TESC: variants seen among roughly 807,000 people sequenced by gnomAD.
TESC encodes the protein tescalcin, also known as calcineurin B homologous protein 3.
A neutral mutation model predicts 31.0 loss-of-function variants in TESC; 19 were observed. The observed-to-expected ratio is 0.61, with a 90% CI of 0.43 to 0.90. The LOEUF is 0.90. Among genes scored for constraint, TESC ranks in the 40% least tolerant of loss-of-function variants. The pLI is 0.00. For missense variants in TESC, 248 were observed against 303.8 expected (o/e 0.82, Z 1.36); for synonymous variants, 109 against 114.8 (o/e 0.95, Z 0.32).
At chr12:117,072,163 C>T (rs555099373) in intron 2 of TESC, among the ~76,000 whole-genome samples, 123 of 152,308 alleles carry the variant, frequency 8.1e-4, no homozygotes, top group Admixed American at 3.9e-3. Flanking sequence ...CCTGGGCCCC[C>T]ACCACACTCA....
chr12:117,089,622 T>C (rs747591552), intron 1 of TESC, among the ~76,000 whole-genome samples: 1 of 152,160 alleles, frequency 6.6e-6, no homozygotes, highest in Non-Finnish European at 1.5e-5. Context: ...TGCAATTTTT[T>C]GAAATTTAAT....
rs75883707 is a variant in TESC at position 117,048,230 on chromosome 12, T to A, written c.349+789A>T. Among the ~76,000 whole-genome samples the A allele has an allele frequency of 7.3e-3, 1,116 of 152,322 alleles. 9 individuals carry two copies. The highest frequency in any genetic ancestry group is 0.024 in the African/African-American group (991 of 41,568). ...CACTAAGGGACAGGAAACCAGGGAT[T>A]TGGACCTGAGTCCGTCCTGTTCCAC... On this transcript the variant is annotated intron_variant, in intron 4 of 7. Coordinates refer to ENST00000335209, the MANE Select transcript of TESC (RefSeq NM_017899.4).
intron 6 of TESC, 45 bp downstream of exon 6, chr12:117,046,514 C>A (rs1029181777): frequency 1.3e-6 from 2 of 1,510,104 alleles, no homozygotes; most frequent in South Asian, 1.2e-5. Flanking sequence ...AGACCATAAG[C>A]GGGAAAGGCA....
chr12:117,075,903 ATATATATATATGTG>A lies in TESC; in HGVS notation c.59-577_59-564del, dbSNP rs1955059925. On this transcript the variant is annotated intron_variant, in intron 1 of 7. Transcript: ENST00000335209. ...TATATATATATATATATATATATAT[ATATATATATATGTG>A]TGTGTGTATATATATATATATATGT... 7.3e-5 allele frequency among the ~76,000 whole-genome samples: 6 copies of A among 82,758 alleles called. No individual in the cohort carries two copies. The South Asian group carries it at 2.1e-3, about 28-fold the overall frequency. 54.3% of individuals were successfully genotyped at this position (82,758 alleles called of 152,430 possible).
rs2135767930 is a variant in TESC, at chr12:117,061,909, G to A, written c.129-5023C>T. 1.3e-5 allele frequency among the ~76,000 whole-genome samples: 2 copies of A among 152,296 alleles called. 1 individual carries two copies. The highest frequency in any genetic ancestry group is 1.3e-4 in the Admixed American group (2 of 15,290). On this transcript the variant is annotated intron_variant, in intron 2 of 7. Transcript: ENST00000335209. ...GTCTTCAAGCCGTGATTTCTCATATGTAAAATGGGGATCATAGGAATATCC... is the reference window on the plus strand; with the variant it reads ...GTCTTCAAGCCGTGATTTCTCATATATAAAATGGGGATCATAGGAATATCC...
chr12:117,092,764 C>T (rs1480243537), intron 1 of TESC, among the ~76,000 whole-genome samples: 1 of 152,210 alleles, frequency 6.6e-6, no homozygotes, highest in East Asian at 1.9e-4. Flanking sequence ...CCACTATGCT[C>T]CAGCCTGGGC....
Position 117,044,714 on chromosome 12 carries a change from T to C in TESC, c.519+1845A>G, listed in dbSNP as rs555058713. Among the ~76,000 whole-genome samples, 332 of 152,310 alleles carry C rather than the reference T, an allele frequency of 2.2e-3. 3 individuals are homozygous for C. The highest frequency in any genetic ancestry group is 7.6e-3 in the African/African-American group (315 of 41,566). On this transcript the variant is annotated intron_variant, in intron 6 of 7. Transcript: ENST00000335209. ...GGAGTTCGAGACCAGCTGGCCAGCA[T>C]GGTGAAACCCCGTCTCTGCTAAAAA...
chr12:117,057,089 G>A (rs1954736951), intron 2 of TESC, among the ~76,000 whole-genome samples: 1 of 152,124 alleles, frequency 6.6e-6, no homozygotes, highest in African/African-American at 2.4e-5. Context: ...GGGCAGGGAG[G>A]ATTTGGAGGC....
chr12:117,048,859 T>C, intron 4 of TESC, 160 bp downstream of exon 4: 1 of 1,145,630 alleles, frequency 8.7e-7, no homozygotes, highest in Non-Finnish European at 1.3e-6. Context: ...GAGACAGCAA[T>C]GCCAGCCTCA....
chr12:117,091,054 G>C (rs576282136), intron 1 of TESC, among the ~76,000 whole-genome samples: 1 of 152,186 alleles, frequency 6.6e-6, no homozygotes, highest in Non-Finnish European at 1.5e-5. Flanking sequence ...ACAGAGTGCC[G>C]GTCTGCAAAG....
At chr12:117,098,022 C>T (rs1239955008) in intron 1 of TESC, among the ~76,000 whole-genome samples, 6 of 152,158 alleles carry the variant, frequency 3.9e-5, no homozygotes, top group Non-Finnish European at 7.3e-5. Flanking sequence ...TGCGTGCATA[C>T]ACACACCAGT....
rs371031479 is a variant in TESC at position 117,076,905 on chromosome 12, C to T, written c.59-1565G>A. Among the ~76,000 whole-genome samples the T allele has an allele frequency of 5.9e-5, 9 of 152,264 alleles. No homozygotes were observed. The South Asian group carries it at 1.9e-3, about 32-fold the overall frequency. On this transcript the variant is annotated intron_variant, in intron 1 of 7. Coordinates refer to ENST00000335209, the MANE Select transcript of TESC (RefSeq NM_017899.4). ...CGCCTGTCTGCCCAGAGTACTTTGG[C>T]ACTCAAGGACTTTAGGTCTGGTTCC...
intron 1 of TESC, among the ~76,000 whole-genome samples, chr12:117,075,950 C>T (rs569897909): frequency 0.048 from 2,185 of 45,326 alleles, 67 homozygotes; most frequent in African/African-American, 0.089. Flanking sequence ...TGTATATATA[C>T]ATATATATAT....
chr12:117,079,064 C>T (rs1046333099), intron 1 of TESC, among the ~76,000 whole-genome samples: 3 of 152,156 alleles, frequency 2.0e-5, no homozygotes. Flanking sequence ...GTAACTTGCT[C>T]AAGGTCACTG....
In TESC at chr12:117,066,246, G is replaced by A. The variant is rs535921956; in HGVS notation, c.128+9025C>T. Among the ~76,000 whole-genome samples, 232 of 117,036 alleles carry A rather than the reference G, an allele frequency of 2.0e-3. 2 individuals are homozygous for A. The highest frequency in any genetic ancestry group is 6.6e-3 in the African/African-American group (190 of 28,700). 76.8% of individuals were successfully genotyped at this position (117,036 alleles called of 152,430 possible). On this transcript the variant is annotated intron_variant, in intron 2 of 7. Transcript: ENST00000335209. ...TTTTGGGGCAGGGCTTCACTCTATC[G>A]CCCAGGCTGGAGTACAGTGGTGCGA...
chr12:117,051,950 A>T (rs1373827753), intron 3 of TESC, among the ~76,000 whole-genome samples: 5 of 152,116 alleles, frequency 3.3e-5, no homozygotes, highest in Admixed American at 2.0e-4. Context: ...TTATTTATTT[A>T]TTTTTTAAGA....
chr12:117,069,614 T>A (rs937513596), intron 2 of TESC, among the ~76,000 whole-genome samples: 2 of 152,130 alleles, frequency 1.3e-5, no homozygotes, highest in African/African-American at 4.8e-5. Context: ...GAAGTGGGGC[T>A]TTCAATGCCG....
chr12:117,044,977 C>G (rs186974881), intron 6 of TESC, among the ~76,000 whole-genome samples: 14 of 152,274 alleles, frequency 9.2e-5, no homozygotes, highest in Non-Finnish European at 1.5e-5. Context: ...AAGTGGGGAC[C>G]AGGGATTGTT....
chr12:117,066,002 A>G (rs145409795), intron 2 of TESC, among the ~76,000 whole-genome samples: 2 of 151,896 alleles, frequency 1.3e-5, no homozygotes, highest in Non-Finnish European at 2.9e-5. Flanking sequence ...TCTGCACCCA[A>G]CTCTCCAATT....
Sources: gnomAD v4.1 joint callset for allele counts (sites outside exome capture counted in the v4.1 genomes callset) on GRCh38, gnomAD v4.1.1 for gene constraint, MANE v1.5 for transcripts, NCBI Gene and HGNC (gene_info 2026-07-23, HGNC 2026-07-21) for gene names.